PARD3: variants seen among roughly 807,000 people sequenced by gnomAD.
PARD3 encodes the protein par-3 family cell polarity regulator.
In PARD3, 75 loss-of-function variants were observed where a neutral mutation model predicts 155.4. That is an observed-to-expected ratio of 0.48 (90% CI 0.40 to 0.58). The LOEUF (loss-of-function observed/expected upper bound fraction) is 0.58. PARD3 is among the 20% of genes least tolerant of loss of function. The pLI is 0.00. For synonymous variants in PARD3, 576 were observed against 610.5 expected (o/e 0.94, Z 0.83); for missense variants, 1,642 against 1,721.7 (o/e 0.95, Z 0.82).
chr10:34,436,165 A>G (rs1478885860), intron 5 of PARD3, among the ~76,000 whole-genome samples: 2 of 152,244 alleles, frequency 1.3e-5, no homozygotes, highest in African/African-American at 4.8e-5. Context: ...AGTGACTGAC[A>G]TCTGAGCAAA....
At chr10:34,674,979 T>C (rs1312790092) in intron 2 of PARD3, among the ~76,000 whole-genome samples, 2 of 152,218 alleles carry the variant, frequency 1.3e-5, no homozygotes, top group African/African-American at 2.4e-5. Flanking sequence ...ATAGATATTA[T>C]AAATCTCTAG....
At chr10:34,759,412 T>C (rs184004650) in intron 1 of PARD3, among the ~76,000 whole-genome samples, 2 of 152,178 alleles carry the variant, frequency 1.3e-5, no homozygotes, top group East Asian at 1.9e-4. Context: ...CTTGCTAAAG[T>C]AGAATATCAC....
chr10:34,451,925 G>A (rs936743028), intron 4 of PARD3, among the ~76,000 whole-genome samples: 2 of 151,724 alleles, frequency 1.3e-5, no homozygotes, highest in East Asian at 1.9e-4. Flanking sequence ...AGGAAATACC[G>A]TTTCATATGA....
chr10:34,356,961 A>G (rs573196036), intron 14 of PARD3, among the ~76,000 whole-genome samples: 1 of 152,336 alleles, frequency 6.6e-6, no homozygotes, highest in South Asian at 2.1e-4. Flanking sequence ...CATAAGGAAT[A>G]TTGAATATTA....
intron 2 of PARD3, among the ~76,000 whole-genome samples, chr10:34,671,997 AG>A (rs1210252532): frequency 4.0e-5 from 6 of 150,590 alleles, no homozygotes; most frequent in African/African-American, 1.5e-4. Context: ...CAACATAGGG[AG>A]ACCCCATCTG....
At chr10:34,424,252 T>C (rs577714744) in intron 5 of PARD3, among the ~76,000 whole-genome samples, 1 of 152,072 alleles carries the variant, frequency 6.6e-6, no homozygotes, top group Non-Finnish European at 1.5e-5. Flanking sequence ...CAAACAAACA[T>C]AAAGAGTTTC....
At chr10:34,333,220 A>G (rs1835803841) in intron 18 of PARD3, among the ~76,000 whole-genome samples, 1 of 152,102 alleles carries the variant, frequency 6.6e-6, no homozygotes, top group African/African-American at 2.4e-5. Context: ...TCATAAAAAC[A>G]CCATTTATAT....
At chr10:34,731,116 G>GC (rs527246039) in intron 1 of PARD3, among the ~76,000 whole-genome samples, 6 of 93,568 alleles carry the variant, frequency 6.4e-5, no homozygotes, top group African/African-American at 2.0e-4. Context: ...TACGCTATGA[G>GC]CAATTTTTTT....
chr10:34,692,491 T>G (rs2094084188), intron 2 of PARD3, among the ~76,000 whole-genome samples: 1 of 152,160 alleles, frequency 6.6e-6, no homozygotes, highest in Admixed American at 6.5e-5. Flanking sequence ...GGAGAAAATA[T>G]TTGCAAATTA....
At chr10:34,205,156 C>A (rs1384760965) in intron 22 of PARD3, among the ~76,000 whole-genome samples, 1 of 151,830 alleles carries the variant, frequency 6.6e-6, no homozygotes, top group African/African-American at 2.4e-5. Flanking sequence ...TGTTATACAC[C>A]TGCTGGAAAA....
At chr10:34,753,908 T>C (rs1410827388) in intron 1 of PARD3, among the ~76,000 whole-genome samples, 1 of 152,160 alleles carries the variant, frequency 6.6e-6, no homozygotes, top group Non-Finnish European at 1.5e-5. Context: ...ACAGTTCTCA[T>C]CTAGGATACT....
intron 3 of PARD3, among the ~76,000 whole-genome samples, chr10:34,482,482 A>G (rs1274083897): frequency 6.6e-6 from 1 of 152,096 alleles, no homozygotes; most frequent in African/African-American, 2.4e-5. Context: ...CTGACCATTC[A>G]AAAAGGAACA....
chr10:34,676,208 C>T (rs1410309629), intron 2 of PARD3, among the ~76,000 whole-genome samples: 5 of 152,174 alleles, frequency 3.3e-5, no homozygotes, highest in African/African-American at 1.2e-4. Flanking sequence ...AAGAAGCGCA[C>T]ACAAAACAAT....
At chr10:34,136,487 A>G (rs1162158107) in intron 22 of PARD3, among the ~76,000 whole-genome samples, 1 of 152,168 alleles carries the variant, frequency 6.6e-6, no homozygotes, top group Non-Finnish European at 1.5e-5. Context: ...TGGAAAGGAG[A>G]AGTAACCACT....
intron 2 of PARD3, among the ~76,000 whole-genome samples, chr10:34,681,752 ATATATATATATATATATT>A (rs2093834439): frequency 1.0e-4 from 2 of 19,190 alleles, no homozygotes; most frequent in African/African-American, 3.8e-4. Context: ...ATATATATAT[ATATATATATATATATATT>A]TTTTTTTTTT....
chr10:34,620,004 C>A (rs1303826667), intron 2 of PARD3, among the ~76,000 whole-genome samples: 1 of 152,132 alleles, frequency 6.6e-6, no homozygotes, highest in African/African-American at 2.4e-5. Flanking sequence ...GGCCAGGCAC[C>A]TGGGATATAA....
At chr10:34,112,155 T>A (rs1289781639) in intron 24 of PARD3, among the ~76,000 whole-genome samples, 1 of 152,230 alleles carries the variant, frequency 6.6e-6, no homozygotes, top group Non-Finnish European at 1.5e-5. Flanking sequence ...AAGTTGTGTA[T>A]GTCAGCAACT....
intron 20 of PARD3, among the ~76,000 whole-genome samples, chr10:34,303,200 CTT>C (rs1345096465): frequency 1.6e-5 from 2 of 127,696 alleles, no homozygotes; most frequent in Non-Finnish European, 3.1e-5. Context: ...GCAGGTAAAA[CTT>C]TATGTGAATG....
At chr10:34,443,419 C>T (rs1376755329) in intron 5 of PARD3, among the ~76,000 whole-genome samples, 1 of 152,018 alleles carries the variant, frequency 6.6e-6, no homozygotes, top group East Asian at 1.9e-4. Flanking sequence ...TAAATACATA[C>T]CCGAGACTGG....
Sources: allele counts gnomAD v4.1 joint callset (sites outside exome capture counted in the v4.1 genomes callset), GRCh38; gene constraint gnomAD v4.1.1; transcripts MANE v1.5; gene names NCBI Gene and HGNC (gene_info 2026-07-23, HGNC 2026-07-21).